WIPF2: variants seen among roughly 807,000 people sequenced by gnomAD.
WIPF2 encodes the protein WAS/WASL-interacting protein family member 2.
In WIPF2, 23 loss-of-function variants were observed where a neutral mutation model predicts 38.8. That is an observed-to-expected ratio of 0.59 (90% confidence interval 0.43 to 0.84). The LOEUF is 0.84. WIPF2 is among the 40% of genes least tolerant of loss of function. The pLI is 0.00. For synonymous variants in WIPF2, 210 were observed against 223.2 expected (o/e 0.94, Z 0.53); for missense variants, 574 against 580.5 (o/e 0.99, Z 0.11).
At chr17:40,252,529 T>G (rs927757733) in intron 1 of WIPF2, among the ~76,000 whole-genome samples, 1 of 151,826 alleles carries the variant, frequency 6.6e-6, no homozygotes, top group African/African-American at 2.4e-5. Flanking sequence ...CTGGGTGTGG[T>G]GGCATGCGCC....
intron 1 of WIPF2, among the ~76,000 whole-genome samples, chr17:40,244,235 C>T (rs1009667774): frequency 6.6e-6 from 1 of 152,138 alleles, no homozygotes; most frequent in African/African-American, 2.4e-5. Flanking sequence ...GTTTTTCATT[C>T]CTCTTGACAT....
chr17:40,256,566 A>G (rs2031737890), intron 2 of WIPF2, 44 bp downstream of exon 2: 2 of 1,562,972 alleles, frequency 1.3e-6, no homozygotes, highest in Non-Finnish European at 8.6e-7. Flanking sequence ...CTTTGAGTAA[A>G]TAGGTTGATG....
chr17:40,278,156 T>C, intron 7 of WIPF2, 29 bp from the exon 8 acceptor site: 6 of 1,606,946 alleles, frequency 3.7e-6, no homozygotes, highest in Non-Finnish European at 5.1e-6. Context: ...GACCTGTATG[T>C]GTGTGGTCTT....
intron 1 of WIPF2, among the ~76,000 whole-genome samples, chr17:40,221,611 C>T (rs553074229): frequency 3.2e-4 from 47 of 148,672 alleles, no homozygotes; most frequent in African/African-American, 1.1e-3. Context: ...GACGGAGTCT[C>T]GCTCTTTCAC....
rs181704359 is a variant in WIPF2 at position 40,222,341 on chromosome 17, C to T, written c.-70+2849C>T. On this transcript the variant is annotated intron_variant, in intron 1 of 7. Transcript: ENST00000323571. ...TGCTGGGATTACAGGTGTGAGCCAC[C>T]GCGCCTGGCCGACCTGTCTCTTAAA... Among the ~76,000 whole-genome samples the T allele has an allele frequency of 2.7e-3, 408 of 151,546 alleles. 2 individuals carry two copies. The highest frequency in any genetic ancestry group is 9.3e-3 in the African/African-American group (386 of 41,418).
At chr17:40,241,195 A>G (rs2031178410) in intron 1 of WIPF2, among the ~76,000 whole-genome samples, 1 of 152,142 alleles carries the variant, frequency 6.6e-6, no homozygotes, top group Non-Finnish European at 1.5e-5. Context: ...AGATTACCAG[A>G]TCATTCTCCT....
intron 1 of WIPF2, among the ~76,000 whole-genome samples, chr17:40,228,879 A>G (rs1026970328): frequency 3.3e-5 from 5 of 151,466 alleles, no homozygotes; most frequent in African/African-American, 7.3e-5. Context: ...AAGTGCCATA[A>G]TTACAGGCAT....
chr17:40,277,062 A>C (rs2145418145), intron 6 of WIPF2, 21 bp from the exon 7 acceptor site: 1 of 1,589,222 alleles, frequency 6.3e-7, no homozygotes. Flanking sequence ...GATAGGAATT[A>C]ATGTTCTATT....
chr17:40,246,349 G>T (rs1258570943), intron 1 of WIPF2, among the ~76,000 whole-genome samples: 1 of 150,224 alleles, frequency 6.7e-6, no homozygotes, highest in Non-Finnish European at 1.5e-5. Flanking sequence ...GCCTCCCAAA[G>T]TGCTGGGATT....
Position 40,264,491 on chromosome 17 carries a change from G to A in WIPF2, c.315G>A (p.Glu105=), listed in dbSNP as rs1353432407. The change falls in exon 5 of 8, where the codon GAG becomes GAA. Residue 105 remains glutamate (E), a splice_region_variant and synonymous_variant. Transcript: ENST00000323571. ...CCTGTGTTGTCTATGTATTTGTAGA[G>A]AACCTAGCTGGTAAGCCAGCCCTGC... is the stretch of plus-strand genomic sequence containing the variant. ...LRPVGAKDGS[E]NLAGKPALQI... 2 of 1,613,882 alleles carry A rather than the reference G, an allele frequency of 1.2e-6. No homozygotes were observed. The highest frequency in any genetic ancestry group is 2.2e-5 in the East Asian group (1 of 44,894).
chr17:40,236,643 C>G (rs2030982107), intron 1 of WIPF2, among the ~76,000 whole-genome samples: 1 of 147,082 alleles, frequency 6.8e-6, no homozygotes, highest in African/African-American at 2.5e-5. Flanking sequence ...GAGTCTCACT[C>G]TGTCGCCCAG....
rs113149747 is a variant in WIPF2 at position 40,261,670 on chromosome 17, T to TG, written c.197-855_197-854insG. Among the ~76,000 whole-genome samples, 13 of 144,078 alleles carry TG rather than the reference T, an allele frequency of 9.0e-5. No individual in the cohort carries two copies. The East Asian group carries it at 2.5e-3, about 27-fold the overall frequency. The allele number at this position is 144,078 out of a possible 152,430, so 94.5% of individuals were successfully genotyped here. A position where few individuals can be genotyped will look rare whatever the true frequency, so the allele number is the denominator to read the frequency against. ...AAGATCGGCCACTTGTTGTTGTTGT[T>TG]TTTTTTTTTTGGTTTTTTTTGTTTT... On this transcript the variant is annotated intron_variant, in intron 3 of 7. Coordinates refer to ENST00000323571, the MANE Select transcript of WIPF2 (RefSeq NM_133264.5).
chr17:40,240,555 C>A (rs2031153557), intron 1 of WIPF2, among the ~76,000 whole-genome samples: 1 of 151,440 alleles, frequency 6.6e-6, no homozygotes, highest in Admixed American at 6.6e-5. Context: ...ATCACTAGTG[C>A]ATTTGCTTTT....
rs2031953608 is a variant in WIPF2, at chr17:40,262,760, G to A, written c.313+119G>A. The A allele has an allele frequency of 7.8e-6, 6 of 770,214 alleles. No individual in the cohort carries two copies. In the South Asian group the frequency reaches 7.9e-5, roughly 10 times the overall value. 47.7% of individuals were successfully genotyped at this position (770,214 alleles called of 1,614,324 possible). ...TGGGGGGAAGAAAGACTTGGGAGTA[G>A]GGGAGGAGTTATAGAATAGAATACA... On this transcript the variant is annotated intron_variant, in intron 4 of 7. Transcript: ENST00000323571.
At chr17:40,233,086 A>G (rs1246971886) in intron 1 of WIPF2, among the ~76,000 whole-genome samples, 1 of 152,170 alleles carries the variant, frequency 6.6e-6, no homozygotes, top group Non-Finnish European at 1.5e-5. Flanking sequence ...TGTGGCAGAG[A>G]TTCAGGTCAC....
Position 40,277,162 on chromosome 17 carries a change from A to G in WIPF2, c.1260A>G (p.Ile420Met), listed in dbSNP as rs761587220. 2 of 1,612,684 alleles carry G rather than the reference A, an allele frequency of 1.2e-6. No individual in the cohort carries two copies. Among genetic ancestry groups the G allele is most frequent in the East Asian group, 2.2e-5 (1 of 44,848 alleles). The change falls in exon 7 of 8, where the codon ATA becomes ATG. Residue 420 changes from isoleucine (I) to methionine (M), a missense_variant. Transcript: ENST00000323571. ...APEEYKHFQRIYPSKTNRAAR... is the reference protein window; with the variant it reads ...APEEYKHFQRMYPSKTNRAAR... The stretch of plus-strand genomic sequence containing the variant: ...AAGAATATAAACACTTTCAGAGGAT[A>G]TATCCCAGCAAAACAAACCGAGGTG...
chr17:40,282,042 C>T lies in WIPF2; in HGVS notation c.*3817C>T, dbSNP rs1412746806. The T allele has an allele frequency of 6.7e-6, 1 of 149,204 alleles. No individual in the cohort carries two copies. The highest frequency in any genetic ancestry group is 6.8e-5 in the Admixed American group (1 of 14,780). 9.2% of individuals were successfully genotyped at this position (149,204 alleles called of 1,614,324 possible). A position where few individuals can be genotyped will look rare whatever the true frequency, so the allele number is the denominator to read the frequency against. ...AGGGGAGAGAGGAGGGCCATTACAA[C>T]TCTGCCTTCAAGACTCATCTCTTAA... On this transcript the variant is annotated 3_prime_UTR_variant, in exon 8 of 8. Transcript: ENST00000323571.
In WIPF2 at chr17:40,278,451, A is replaced by G. The variant is rs986207292; in HGVS notation, c.*226A>G. ...CAGTAGGATCTCAAACCCTGCATCC[A>G]TCCTTCCTCCAGCAAGCCCTGCTAG... On this transcript the variant is annotated 3_prime_UTR_variant, in exon 8 of 8. Coordinates refer to ENST00000323571, the MANE Select transcript of WIPF2 (RefSeq NM_133264.5). 1 of 541,034 alleles carries G rather than the reference A, an allele frequency of 1.8e-6. No individual in the cohort carries two copies. Among genetic ancestry groups the G allele is most frequent in the Non-Finnish European group, 3.3e-6 (1 of 306,744 alleles). The allele number at this position is 541,034 out of a possible 1,614,324, so 33.5% of individuals were successfully genotyped here.
chr17:40,225,238 C>CTT (rs1318796411), intron 1 of WIPF2, among the ~76,000 whole-genome samples: 10 of 141,004 alleles, frequency 7.1e-5, no homozygotes, highest in Non-Finnish European at 6.2e-5. Context: ...GTATTTCCAA[C>CTT]TTTTTTTTTT....
Sources: gnomAD v4.1 joint callset for allele counts (sites outside exome capture counted in the v4.1 genomes callset) on GRCh38, gnomAD v4.1.1 for gene constraint, MANE v1.5 for transcripts, NCBI Gene and HGNC (gene_info 2026-07-23, HGNC 2026-07-21) for gene names.